Variants in PPFIA3 observed in about 807,000 individuals in gnomAD.
PPFIA3 encodes the protein PPFI scaffold protein A3, also known as liprin-alpha-3.
A neutral mutation model predicts 145.8 loss-of-function variants in PPFIA3; 26 were observed. The ratio of observed to expected loss-of-function variants is 0.18; its 90% confidence interval spans 0.13 to 0.25. The LOEUF is 0.25. Among genes scored for constraint, PPFIA3 ranks in the 10% least tolerant of loss-of-function variants. The probability of loss-of-function intolerance (pLI) is 1.00; values close to 1 mark genes in which losing one functional copy is unlikely to be tolerated. For synonymous variants in PPFIA3, 645 were observed against 661.4 expected (o/e 0.98, Z 0.38); for missense variants, 1,008 against 1,587.8 (o/e 0.63, Z 6.21).
At position 49,141,534 on chromosome 19, in the gene PPFIA3, G is replaced by C. The variant is rs2041221127; in HGVS notation, c.2462+21G>C. 4.4e-6 allele frequency: 7 copies of C among 1,593,172 alleles called. No individual in the cohort carries two copies. The East Asian group carries it at 1.6e-4, about 36-fold the overall frequency. Reference sequence around the variant, plus strand: ...AGGAAGTGAGTGTGTGTGAGTGTGAGCGTGTGTGTGTGTATGTGAATGTGA... The same window carrying C: ...AGGAAGTGAGTGTGTGTGAGTGTGACCGTGTGTGTGTGTATGTGAATGTGA... On this transcript the variant is annotated intron_variant, in intron 19 of 29. Coordinates refer to ENST00000334186, the MANE Select transcript of PPFIA3 (RefSeq NM_003660.4).
At chr19:49,139,643 C>A in intron 16 of PPFIA3, 25 bp from the exon 17 acceptor site, 1 of 1,545,612 alleles carries the variant, frequency 6.5e-7, no homozygotes, top group South Asian at 1.2e-5. Flanking sequence ...GAACTCAATC[C>A]AGCATCTGTG....
chr19:49,149,138 G>A lies in PPFIA3; in HGVS notation c.3255G>A (p.Leu1085=). ...CCTTCGACTACTCCGACCTGGCCTTGCTCCTGCAGATCCCCACGCAGAATG... is the reference window on the plus strand; with the variant it reads ...CCTTCGACTACTCCGACCTGGCCTTACTCCTGCAGATCCCCACGCAGAATG... The part of the protein sequence containing the change: ...DETFDYSDLA[L]LLQIPTQNAQ... Residue 1085 remains leucine, a synonymous_variant, in exon 26 of 30, where the codon TTG becomes TTA. Coordinates refer to ENST00000334186, the MANE Select transcript of PPFIA3 (RefSeq NM_003660.4). The surrounding 1 kb of genome is among the most constrained non-coding windows in gnomAD (Gnocchi z 5.7). The A allele has an allele frequency of 6.2e-7, 1 of 1,614,166 alleles. No individual in the cohort carries two copies. The highest frequency in any genetic ancestry group is 8.5e-7 in the Non-Finnish European group (1 of 1,180,010).
At chr19:49,137,658 A>AAAG (rs2041157099) in intron 15 of PPFIA3, among the ~76,000 whole-genome samples, 1 of 122,260 alleles carries the variant, frequency 8.2e-6, no homozygotes, top group Non-Finnish European at 1.7e-5. Context: ...AAAAAAAAAA[A>AAAG]GTCCCCAACT....
In PPFIA3 at chr19:49,120,628, C is replaced by T. The variant is rs987149223; in HGVS notation, c.-16+906C>T. 6.6e-6 allele frequency among the ~76,000 whole-genome samples: 1 copy of T among 152,188 alleles called. No homozygotes were observed. The highest frequency in any genetic ancestry group is 2.4e-5 in the African/African-American group (1 of 41,450). On this transcript the variant is annotated intron_variant, in intron 1 of 29. Coordinates refer to ENST00000334186, the MANE Select transcript of PPFIA3 (RefSeq NM_003660.4). The surrounding 1 kb of genome is among the most constrained non-coding windows in gnomAD (Gnocchi z 4.6). ...TGCCCTGCAGACACACAGACTTAGCCTCCTGGCACCCAGCATCTGCTCCCC... is the reference window on the plus strand; with the variant it reads ...TGCCCTGCAGACACACAGACTTAGCTTCCTGGCACCCAGCATCTGCTCCCC...
chr19:49,122,078 AT>A (rs4002359), intron 1 of PPFIA3, among the ~76,000 whole-genome samples: 16,771 of 131,630 alleles, frequency 0.13, 923 homozygotes, highest in Non-Finnish European at 0.16. Context: ...CCAGATGCCA[AT>A]TTTTTTTTTT....
At position 49,128,280 on chromosome 19, in the gene PPFIA3, G is replaced by A. The variant is rs2041028128; in HGVS notation, c.241-87G>A. On this transcript the variant is annotated intron_variant, in intron 2 of 29. Transcript: ENST00000334186. This position sits in a 1 kb window ranked among gnomAD's most constrained non-coding sequence, Gnocchi z 4.1. The stretch of plus-strand genomic sequence containing the variant: ...GACAGCGGGACTTAGCAGGGAGGGC[G>A]GGACCTTCAAACTTCCAGTCCCAGT... 9.8e-6 allele frequency: 15 copies of A among 1,534,246 alleles called. No homozygotes were observed. The South Asian group carries it at 1.2e-4, about 13-fold the overall frequency.
chr19:49,141,987 G>A (rs1045045379), intron 19 of PPFIA3, 47 bp from the exon 20 acceptor site: 2 of 1,475,318 alleles, frequency 1.4e-6, no homozygotes, highest in Admixed American at 4.0e-5. Flanking sequence ...CAGAGCAGGG[G>A]GTCTCCATCC....
In PPFIA3 at chr19:49,149,463, A is replaced by AC. The variant is rs766278207; in HGVS notation, c.3355-81dup. 4 of 1,589,080 alleles carry AC rather than the reference A, an allele frequency of 2.5e-6. No individual in the cohort carries two copies. The highest frequency in any genetic ancestry group is 2.6e-6 in the Non-Finnish European group (3 of 1,160,582). Reference sequence around the variant, plus strand: ...GGGGCGGGGTTAAAGGAGAGGTGAGACCCGGAGAGGGGTGGAGTCAAAGGA... The same window carrying AC: ...GGGGCGGGGTTAAAGGAGAGGTGAGACCCCGGAGAGGGGTGGAGTCAAAGGA... On this transcript the variant is annotated intron_variant, in intron 27 of 29. Transcript: ENST00000334186. The surrounding 1 kb of genome is among the most constrained non-coding windows in gnomAD (Gnocchi z 5.7).
chr19:49,148,860 G>T lies in PPFIA3; in HGVS notation c.3109+97G>T. ...AGGGGGAGACCGGAGAAGCAAATTG[G>T]CACCATAACCGTGGGGGTGGAGCCA... On this transcript the variant is annotated intron_variant, in intron 25 of 29. Coordinates refer to ENST00000334186, the MANE Select transcript of PPFIA3 (RefSeq NM_003660.4). The T allele has an allele frequency of 4.7e-6, 7 of 1,490,662 alleles. No homozygotes were observed. In the Middle Eastern group the frequency reaches 7.0e-4, roughly 149 times the overall value. The allele number at this position is 1,490,662 out of a possible 1,614,324, so 92.3% of individuals were successfully genotyped here.
chr19:49,147,880 G>C (rs1044123939), intron 23 of PPFIA3, among the ~76,000 whole-genome samples: 1 of 152,218 alleles, frequency 6.6e-6, no homozygotes, highest in African/African-American at 2.4e-5. Context: ...CAGGACAACT[G>C]TTTGAGTAGC....
In PPFIA3 at chr19:49,130,409, A is replaced by T; in HGVS notation, c.689A>T (p.Asp230Val). 1 of 1,609,552 alleles carries T rather than the reference A, an allele frequency of 6.2e-7. No homozygotes were observed. Among genetic ancestry groups the T allele is most frequent in the Non-Finnish European group, 8.5e-7 (1 of 1,178,288 alleles). Residue 230 changes from aspartate to valine, a missense_variant, in exon 7 of 30, where the codon GAT becomes GTT. Coordinates refer to ENST00000334186, the MANE Select transcript of PPFIA3 (RefSeq NM_003660.4). The surrounding 1 kb of genome is among the most constrained non-coding windows in gnomAD (Gnocchi z 4.5). ...TLANGLGPGGDSNRRTAELEE... is the reference protein window; with the variant it reads ...TLANGLGPGGVSNRRTAELEE... The stretch of plus-strand genomic sequence containing the variant: ...GCCAATGGCCTGGGTCCTGGCGGGG[A>T]TTCCAACCGGCGCACAGCAGAGCTG...
At chr19:49,123,953 C>A (rs556395288) in intron 1 of PPFIA3, among the ~76,000 whole-genome samples, 2 of 152,052 alleles carry the variant, frequency 1.3e-5, no homozygotes, top group Admixed American at 1.3e-4. Flanking sequence ...TCTTCTGGAG[C>A]CTTCAGCCTA....
chr19:49,140,160 G>T, intron 18 of PPFIA3, 72 bp downstream of exon 18: 1 of 1,526,678 alleles, frequency 6.6e-7, no homozygotes, highest in Admixed American at 1.8e-5. Flanking sequence ...TTTCTTCTTT[G>T]TATGTTCATT....
At chr19:49,122,607 A>G (rs2040948993) in intron 1 of PPFIA3, among the ~76,000 whole-genome samples, 1 of 152,096 alleles carries the variant, frequency 6.6e-6, no homozygotes, top group African/African-American at 2.4e-5. Context: ...TAGGCTTCCT[A>G]ATTCGTGCCA....
Position 49,133,697 on chromosome 19 carries a change from G to A in PPFIA3, c.1162-99G>A, listed in dbSNP as rs1468167287. On this transcript the variant is annotated intron_variant, in intron 9 of 29. Coordinates refer to ENST00000334186, the MANE Select transcript of PPFIA3 (RefSeq NM_003660.4). The surrounding 1 kb of genome is among the most constrained non-coding windows in gnomAD (Gnocchi z 7.2). ...AGGTGCAGGGGAGGAGCCTGGCGCT[G>A]TGGGGGCGGAGCCTGGCGCTCAGCC... 8.5e-6 allele frequency: 11 copies of A among 1,297,580 alleles called. No individual in the cohort carries two copies. Among genetic ancestry groups the A allele is most frequent in the African/African-American group, 2.9e-5 (2 of 68,824 alleles). The allele number at this position is 1,297,580 out of a possible 1,614,324, so 80.4% of individuals were successfully genotyped here.
rs2041106666 is a variant in PPFIA3, at chr19:49,133,979, G to A, written c.1246-55G>A. On this transcript the variant is annotated intron_variant, in intron 10 of 29. Transcript: ENST00000334186. This position sits in a 1 kb window ranked among gnomAD's most constrained non-coding sequence, Gnocchi z 7.2. ...GCCCGGGGGTGGGGCTTAGAGGAAGGGCCGTGGTCTGGGCAGGGTGGGCTT... is the reference window on the plus strand; with the variant it reads ...GCCCGGGGGTGGGGCTTAGAGGAAGAGCCGTGGTCTGGGCAGGGTGGGCTT... The A allele has an allele frequency of 1.2e-6, 2 of 1,604,572 alleles. No homozygotes were observed. The highest frequency in any genetic ancestry group is 1.1e-5 in the South Asian group (1 of 89,862).
chr19:49,146,493 C>G, intron 23 of PPFIA3: 1 of 469,568 alleles, frequency 2.1e-6, no homozygotes, highest in Non-Finnish European at 3.8e-6. Context: ...ACTGAGCAGC[C>G]GGTGTCCCTA....
chr19:49,122,808 G>T (rs1480046906), intron 1 of PPFIA3, among the ~76,000 whole-genome samples: 1 of 144,076 alleles, frequency 6.9e-6, no homozygotes, highest in African/African-American at 2.6e-5. Context: ...TGCAAGCTCC[G>T]CCTTCTGGGT....
rs762290246 is a variant in PPFIA3 at position 49,133,774 on chromosome 19, C to T, written c.1162-22C>T. On this transcript the variant is annotated intron_variant, in intron 9 of 29. Coordinates refer to ENST00000334186, the MANE Select transcript of PPFIA3 (RefSeq NM_003660.4). This position sits in a 1 kb window ranked among gnomAD's most constrained non-coding sequence, Gnocchi z 7.2. ...ACTGATCCTGGAAGGGTAAGTCACA[C>T]GCCATGGGTTCCATCTCCTAGGCCG... The T allele has an allele frequency of 1.9e-6, 3 of 1,610,770 alleles. No individual in the cohort carries two copies. The highest frequency in any genetic ancestry group is 1.7e-5 in the Admixed American group (1 of 59,866).
Sources: gnomAD v4.1 joint callset for allele counts (sites outside exome capture counted in the v4.1 genomes callset) on GRCh38, gnomAD v4.1.1 for gene constraint, Gnocchi (gnomAD v3.1) non-coding constraint, MANE v1.5 for transcripts, NCBI Gene and HGNC (gene_info 2026-07-23, HGNC 2026-07-21) for gene names.